STK3: variants seen among roughly 807,000 people sequenced by gnomAD.
STK3 encodes serine/threonine-protein kinase 3.
A neutral mutation model predicts 58.0 loss-of-function variants in STK3; 41 were observed. The ratio of observed to expected loss-of-function variants is 0.71; its 90% confidence interval spans 0.55 to 0.92. The LOEUF is 0.92. Among genes scored for constraint, STK3 ranks in the 40% least tolerant of loss-of-function variants. The probability of loss-of-function intolerance (pLI) is 0.00; values close to 1 mark genes in which losing one functional copy is unlikely to be tolerated. For missense variants in STK3, 479 were observed against 602.7 expected (o/e 0.79, Z 2.15); for synonymous variants, 170 against 191.0 (o/e 0.89, Z 0.91).
chr8:98,695,837 G>A (rs947839522), intron 6 of STK3, among the ~76,000 whole-genome samples: 3 of 152,148 alleles, frequency 2.0e-5, no homozygotes, highest in African/African-American at 4.8e-5. Context: ...GGATTGACTC[G>A]GCAATGCGGG....
At chr8:98,832,729 AG>A (rs1835584904) in intron 3 of STK3, among the ~76,000 whole-genome samples, 1 of 152,104 alleles carries the variant, frequency 6.6e-6, no homozygotes, top group African/African-American at 2.4e-5. Flanking sequence ...TGCGGGGCCT[AG>A]GATTTAATTT....
intron 6 of STK3, among the ~76,000 whole-genome samples, chr8:98,683,692 T>C (rs1187556510): frequency 1.3e-5 from 2 of 152,146 alleles, no homozygotes; most frequent in Non-Finnish European, 2.9e-5. Flanking sequence ...GATGAGGAAC[T>C]TCTAACAATA....
intron 6 of STK3, among the ~76,000 whole-genome samples, chr8:98,686,576 C>T (rs1824014743): frequency 6.6e-6 from 1 of 152,102 alleles, no homozygotes; most frequent in African/African-American, 2.4e-5. Context: ...CAAGCAATTA[C>T]TCCTAACCAG....
intron 9 of STK3, among the ~76,000 whole-genome samples, chr8:98,531,190 A>G (rs912598138): frequency 1.3e-5 from 2 of 152,242 alleles, no homozygotes; most frequent in African/African-American, 4.8e-5. Context: ...ATCCAGATCC[A>G]TCAAAGCAAT....
chr8:98,838,926 T>C (rs1045841083), intron 3 of STK3, among the ~76,000 whole-genome samples: 2 of 151,834 alleles, frequency 1.3e-5, no homozygotes, highest in African/African-American at 4.8e-5. Flanking sequence ...TTCAAGACCT[T>C]TCCCCCAACA....
intron 1 of STK3, among the ~76,000 whole-genome samples, chr8:98,812,704 C>T (rs1274382313): frequency 6.6e-6 from 1 of 152,108 alleles, no homozygotes; most frequent in Non-Finnish European, 1.5e-5. Flanking sequence ...TACTATGCAG[C>T]CATAAAAAAG....
chr8:98,569,573 T>C (rs201364302), intron 8 of STK3, among the ~76,000 whole-genome samples: 2 of 151,512 alleles, frequency 1.3e-5, no homozygotes, highest in East Asian at 1.9e-4. Flanking sequence ...AATATAGCAT[T>C]TGGGAACAAA....
At chr8:98,448,285 AG>A (rs1262237246) in intron 1 of STK3, among the ~76,000 whole-genome samples, 1 of 152,208 alleles carries the variant, frequency 6.6e-6, no homozygotes, top group Non-Finnish European at 1.5e-5. Context: ...ACTTTATGGA[AG>A]GACAACAGAG....
chr8:98,754,239 A>G (rs765514412), intron 3 of STK3, among the ~76,000 whole-genome samples: 28 of 152,144 alleles, frequency 1.8e-4, no homozygotes, highest in Non-Finnish European at 3.2e-4. Flanking sequence ...CAGACTTAGA[A>G]CTGCAACATA....
chr8:98,623,211 G>GAAGGAAGA (rs1248332964), intron 6 of STK3, among the ~76,000 whole-genome samples: 1 of 152,002 alleles, frequency 6.6e-6, no homozygotes, highest in Non-Finnish European at 1.5e-5. Context: ...AAAATAAAGG[G>GAAGGAAGA]AAGGAAGAAA....
At chr8:98,893,339 A>C (rs551266195) in intron 1 of STK3, among the ~76,000 whole-genome samples, 74 of 151,382 alleles carry the variant, frequency 4.9e-4, no homozygotes, top group African/African-American at 1.5e-3. Context: ...CAGTGAGGCA[A>C]GATTGCACCA....
chr8:98,364,054 A>G, the STK3 span, among the ~76,000 whole-genome samples: 3 of 152,098 alleles, frequency 2.0e-5, no homozygotes, highest in African/African-American at 7.2e-5. Flanking sequence ...GAGAAATCTT[A>G]GTGAGTTGGT....
chr8:98,541,967 T>C (rs988770649), intron 9 of STK3, among the ~76,000 whole-genome samples: 2 of 152,218 alleles, frequency 1.3e-5, no homozygotes, highest in Non-Finnish European at 2.9e-5. Context: ...AGTAGTGATG[T>C]GATTCTAGTG....
At chr8:98,694,457 G>A (rs539431772) in intron 6 of STK3, among the ~76,000 whole-genome samples, 13 of 151,946 alleles carry the variant, frequency 8.6e-5, no homozygotes, top group East Asian at 7.7e-4. Flanking sequence ...CCATTAACTC[G>A]TCATTTAGCA....
intron 1 of STK3, among the ~76,000 whole-genome samples, chr8:98,915,274 A>C (rs941090207): frequency 6.6e-6 from 1 of 151,708 alleles, no homozygotes; most frequent in African/African-American, 2.4e-5. Context: ...AACCTCCCGG[A>C]CTATATCTTT....
intron 6 of STK3, among the ~76,000 whole-genome samples, chr8:98,697,419 T>C (rs1825063679): frequency 6.6e-6 from 1 of 152,196 alleles, no homozygotes; most frequent in Non-Finnish European, 1.5e-5. Context: ...GTGTTTGCTC[T>C]TGCTTTTCTA....
intron 3 of STK3, among the ~76,000 whole-genome samples, chr8:98,852,894 A>G (rs1836530071): frequency 6.6e-6 from 1 of 152,194 alleles, no homozygotes; most frequent in Non-Finnish European, 1.5e-5. Context: ...GTAATCAAAA[A>G]TATTTTCCAT....
At chr8:98,914,508 TC>T (rs1488023359) in intron 1 of STK3, among the ~76,000 whole-genome samples, 56 of 152,014 alleles carry the variant, frequency 3.7e-4, no homozygotes, top group Middle Eastern at 6.8e-3. Flanking sequence ...TCTCTCTCTC[TC>T]TTCACTCTTA....
At chr8:98,722,260 G>GA (rs1563930038) in intron 4 of STK3, among the ~76,000 whole-genome samples, 1 of 152,140 alleles carries the variant, frequency 6.6e-6, no homozygotes, top group Admixed American at 6.5e-5. Context: ...GACAAAAAGC[G>GA]ATAGTCCAAA....
Sources: allele counts gnomAD v4.1 joint callset (sites outside exome capture counted in the v4.1 genomes callset), GRCh38; gene constraint gnomAD v4.1.1; transcripts MANE v1.5; gene names NCBI Gene and HGNC (gene_info 2026-07-23, HGNC 2026-07-21).